The following SLIT3 variants were observed in gnomAD, a reference collection of about 807,000 sequenced individuals.
The protein encoded by SLIT3 is slit guidance ligand 3, also known as slit homolog 3 protein.
In SLIT3, 68 loss-of-function variants were observed where a neutral mutation model predicts 184.0. The ratio of observed to expected loss-of-function variants is 0.37; its 90% confidence interval spans 0.30 to 0.45. The LOEUF is 0.45. SLIT3 is among the 20% of genes least tolerant of loss of function. The pLI is 1.00. For synonymous variants in SLIT3, 831 were observed against 828.6 expected (o/e 1.00, Z -0.05); for missense variants, 1,707 against 2,026.0 (o/e 0.84, Z 3.02).
intron 14 of SLIT3, among the ~76,000 whole-genome samples, chr5:168,766,664 C>T (rs1039786205): frequency 6.6e-6 from 1 of 152,224 alleles, no homozygotes; most frequent in Admixed American, 6.5e-5. Flanking sequence ...GGAAGGGCAC[C>T]ATTATGGACC....
intron 4 of SLIT3, among the ~76,000 whole-genome samples, chr5:168,991,182 G>A (rs764500721): frequency 4.0e-4 from 61 of 152,186 alleles, no homozygotes; most frequent in Admixed American, 9.2e-4. Flanking sequence ...TTGGGGAGTG[G>A]TTATGATGTG....
chr5:168,952,213 A>G (rs1762671433), intron 4 of SLIT3, among the ~76,000 whole-genome samples: 3 of 152,240 alleles, frequency 2.0e-5, no homozygotes, highest in Admixed American at 2.0e-4. Flanking sequence ...ACTTGGGAGA[A>G]GACGGATCAC....
chr5:168,958,646 A>G (rs1021485015), intron 4 of SLIT3, among the ~76,000 whole-genome samples: 9 of 152,216 alleles, frequency 5.9e-5, no homozygotes, highest in Admixed American at 5.9e-4. Flanking sequence ...ACAATCTTTG[A>G]CACAATCCAT....
At chr5:168,738,666 C>T (rs567827926) in intron 20 of SLIT3, among the ~76,000 whole-genome samples, 4 of 152,232 alleles carry the variant, frequency 2.6e-5, no homozygotes, top group Admixed American at 6.5e-5. Flanking sequence ...AGGCTGGGCA[C>T]GGTGGCTCAT....
intron 32 of SLIT3, among the ~76,000 whole-genome samples, chr5:168,678,966 C>T (rs1002395456): frequency 1.3e-5 from 2 of 152,188 alleles, no homozygotes; most frequent in African/African-American, 4.8e-5. Context: ...AGGTGGAGAG[C>T]TCTGGAGTTG....
chr5:168,897,678 A>ACACACACACACACACACACACACAC (rs55657719), intron 4 of SLIT3, among the ~76,000 whole-genome samples: 1 of 120,100 alleles, frequency 8.3e-6, no homozygotes. Context: ...ACACACACAC[A>ACACACACACACACACACACACACAC]AAGGGACATA....
At chr5:168,887,011 T>C (rs909297280) in intron 4 of SLIT3, among the ~76,000 whole-genome samples, 7 of 138,142 alleles carry the variant, frequency 5.1e-5, no homozygotes, top group Non-Finnish European at 6.5e-5. Context: ...CAGATTAACT[T>C]TCTTCGCAAA....
At chr5:168,975,219 G>C (rs868589246) in intron 4 of SLIT3, among the ~76,000 whole-genome samples, 1 of 151,738 alleles carries the variant, frequency 6.6e-6, no homozygotes, top group East Asian at 1.9e-4. Flanking sequence ...TAAAGTGGAC[G>C]CAAGACTCAC....
intron 4 of SLIT3, among the ~76,000 whole-genome samples, chr5:169,082,080 C>T (rs1421246904): frequency 6.6e-6 from 1 of 152,192 alleles, no homozygotes; most frequent in Non-Finnish European, 1.5e-5. Flanking sequence ...GCACATTCTG[C>T]AGATAAGGAA....
At chr5:168,974,467 T>C (rs192037611) in intron 4 of SLIT3, among the ~76,000 whole-genome samples, 6 of 152,342 alleles carry the variant, frequency 3.9e-5, no homozygotes, top group Non-Finnish European at 8.8e-5. Context: ...GACCAGTTTC[T>C]AGAGATTTAA....
At chr5:168,789,702 T>A in intron 10 of SLIT3, 71 bp from the exon 11 acceptor site, 1 of 1,094,002 alleles carries the variant, frequency 9.1e-7, no homozygotes, top group Non-Finnish European at 1.4e-6. Context: ...TAAGTGTGAA[T>A]CAAGCATTTC....
At chr5:169,088,634 AG>A (rs1759419861) in intron 4 of SLIT3, among the ~76,000 whole-genome samples, 1 of 152,110 alleles carries the variant, frequency 6.6e-6, no homozygotes, top group Non-Finnish European at 1.5e-5. Flanking sequence ...GGTCTTTCCG[AG>A]AATCAGATTG....
intron 4 of SLIT3, among the ~76,000 whole-genome samples, chr5:169,187,517 G>A (rs1763393827): frequency 6.6e-6 from 1 of 151,742 alleles, no homozygotes; most frequent in African/African-American, 2.4e-5. Flanking sequence ...TCCTTATAGG[G>A]CAAGGATAAA....
chr5:169,116,389 A>C (rs1317254528), intron 4 of SLIT3, among the ~76,000 whole-genome samples: 1 of 152,078 alleles, frequency 6.6e-6, no homozygotes, highest in Non-Finnish European at 1.5e-5. Context: ...GTCAGGATAC[A>C]ATGTTAGGAC....
intron 3 of SLIT3, among the ~76,000 whole-genome samples, chr5:169,194,614 C>T (rs190511249): frequency 6.6e-5 from 10 of 152,216 alleles, no homozygotes; most frequent in East Asian, 5.8e-4. Context: ...GAAATTAAAA[C>T]ATTTTCATGG....
At chr5:169,204,078 G>T (rs538364106) in intron 3 of SLIT3, among the ~76,000 whole-genome samples, 1 of 152,234 alleles carries the variant, frequency 6.6e-6, no homozygotes, top group South Asian at 2.1e-4. Context: ...TGTGGACTGA[G>T]TTCTGGGCTA....
intron 1 of SLIT3, among the ~76,000 whole-genome samples, chr5:169,280,334 G>T (rs1415681740): frequency 1.3e-5 from 2 of 152,162 alleles, no homozygotes; most frequent in African/African-American, 2.4e-5. Context: ...GGTATTGAGG[G>T]TTCCAATTTT....
At chr5:168,985,214 G>A (rs62378594) in intron 4 of SLIT3, among the ~76,000 whole-genome samples, 8,404 of 152,184 alleles carry the variant, frequency 0.055, 267 homozygotes, top group African/African-American at 0.065. Context: ...CCTAAAGATC[G>A]CTTGAACTTT....
intron 4 of SLIT3, among the ~76,000 whole-genome samples, chr5:169,185,650 G>T (rs1763307569): frequency 6.6e-6 from 1 of 152,174 alleles, no homozygotes; most frequent in Non-Finnish European, 1.5e-5. Context: ...AAAGTTTAGT[G>T]CCGAATTGGA....
Sources: allele counts gnomAD v4.1 joint callset (sites outside exome capture counted in the v4.1 genomes callset), GRCh38; gene constraint gnomAD v4.1.1; transcripts MANE v1.5; gene names NCBI Gene and HGNC (gene_info 2026-07-23, HGNC 2026-07-21).